PTPRD: variants seen among roughly 807,000 people sequenced by gnomAD.
The protein encoded by PTPRD is protein tyrosine phosphatase receptor type D, also known as receptor-type tyrosine-protein phosphatase delta.
In PTPRD, 34 loss-of-function variants were observed where a neutral mutation model predicts 214.5. That is an observed-to-expected ratio of 0.16 (90% CI 0.12 to 0.21). The LOEUF (loss-of-function observed/expected upper bound fraction) is 0.21, where lower values mean the gene tolerates loss of function less well. Ranked by LOEUF, PTPRD falls within the 10% of genes least tolerant of loss-of-function variation. PTPRD has a pLI of 1.00. For missense variants in PTPRD, 2,545 were observed against 2,398.7 expected (o/e 1.06, Z -1.27); for synonymous variants, 1,128 against 845.7 (o/e 1.33, Z -5.79).
chr9:9,504,033 C>G (rs533749610), intron 8 of PTPRD, among the ~76,000 whole-genome samples: 1 of 151,526 alleles, frequency 6.6e-6, no homozygotes, highest in African/African-American at 2.4e-5. Context: ...CTTCCTTTAC[C>G]TCCCCAAATG....
intron 5 of PTPRD, among the ~76,000 whole-genome samples, chr9:9,887,298 T>G (rs1307706908): frequency 6.6e-6 from 1 of 152,190 alleles, no homozygotes. Flanking sequence ...TATTGGATAT[T>G]GTTATTTCTA....
Position 8,528,190 on chromosome 9 carries a change from T to A in PTPRD, c.541+401A>T, listed in dbSNP as rs1399415143. ...TATGAACATTTTATTTTTTAATGGA[T>A]ACAACCATTGGATCTCCTTGCAAGT... On this transcript the variant is annotated intron_variant, in intron 15 of 45. Transcript: ENST00000381196. The A allele has an allele frequency of 7.4e-6, 3 of 404,964 alleles. No individual in the cohort carries two copies. In the Admixed American group the frequency reaches 1.3e-4, roughly 17 times the overall value. 25.1% of individuals were successfully genotyped at this position (404,964 alleles called of 1,614,324 possible).
At chr9:9,128,354 T>C (rs1361805641) in intron 10 of PTPRD, among the ~76,000 whole-genome samples, 2 of 152,168 alleles carry the variant, frequency 1.3e-5, no homozygotes, top group East Asian at 3.9e-4. Flanking sequence ...TACAAACACA[T>C]ATACATGCAC....
chr9:9,349,349 C>A (rs1014541717), intron 9 of PTPRD, among the ~76,000 whole-genome samples: 1 of 152,058 alleles, frequency 6.6e-6, no homozygotes, highest in Non-Finnish European at 1.5e-5. Context: ...GTCACCACAC[C>A]TCCAACCCCC....
chr9:10,361,979 T>A (rs2097401302), intron 2 of PTPRD, among the ~76,000 whole-genome samples: 1 of 152,184 alleles, frequency 6.6e-6, no homozygotes, highest in Admixed American at 6.5e-5. Flanking sequence ...AGGAAATGTA[T>A]CATGGTTAAG....
At chr9:8,362,011 G>C (rs183408283) in intron 39 of PTPRD, among the ~76,000 whole-genome samples, 3 of 152,330 alleles carry the variant, frequency 2.0e-5, no homozygotes, top group African/African-American at 7.2e-5. Flanking sequence ...GACTTGATGA[G>C]ATTGCCCATG....
chr9:8,867,897 G>C (rs968816060), intron 11 of PTPRD, among the ~76,000 whole-genome samples: 3 of 152,094 alleles, frequency 2.0e-5, no homozygotes, highest in African/African-American at 7.2e-5. Context: ...ATAGAACCCT[G>C]TATAATTGAA....
At chr9:9,712,405 A>AG (rs1219928853) in intron 7 of PTPRD, among the ~76,000 whole-genome samples, 1 of 151,952 alleles carries the variant, frequency 6.6e-6, no homozygotes. Context: ...ATTAAAAAAA[A>AG]TTATTTTACT....
chr9:9,584,104 C>A (rs1721640173), intron 7 of PTPRD, among the ~76,000 whole-genome samples: 1 of 151,950 alleles, frequency 6.6e-6, no homozygotes, highest in Non-Finnish European at 1.5e-5. Context: ...TACAGAATCT[C>A]AGACCCCATC....
chr9:10,256,548 C>T (rs2093297276), intron 3 of PTPRD, among the ~76,000 whole-genome samples: 2 of 152,128 alleles, frequency 1.3e-5, no homozygotes, highest in Non-Finnish European at 2.9e-5. Flanking sequence ...CATTATGTGG[C>T]ACTTAACTGT....
intron 9 of PTPRD, among the ~76,000 whole-genome samples, chr9:9,318,235 A>C (rs1419408977): frequency 2.0e-5 from 3 of 151,794 alleles, no homozygotes; most frequent in Admixed American, 6.6e-5. Flanking sequence ...AAAAAAAAAA[A>C]AAACACCAAA....
intron 3 of PTPRD, among the ~76,000 whole-genome samples, chr9:10,313,396 T>TTACACACACACACACACACACA (rs1565223852): frequency 1.1e-5 from 1 of 91,958 alleles, no homozygotes; most frequent in African/African-American, 6.6e-5. Flanking sequence ...CAGGTACAGA[T>TTACACACACACACACACACACA]TACACACACA....
intron 7 of PTPRD, among the ~76,000 whole-genome samples, chr9:9,660,911 T>A (rs2096610363): frequency 2.0e-5 from 3 of 151,982 alleles, no homozygotes; most frequent in Admixed American, 1.3e-4. Flanking sequence ...CATGACTTTG[T>A]CATTGTGTCA....
chr9:9,185,220 G>A (rs1200133646), intron 9 of PTPRD, among the ~76,000 whole-genome samples: 3 of 152,056 alleles, frequency 2.0e-5, no homozygotes, highest in Non-Finnish European at 2.9e-5. Context: ...CAGAATCCAA[G>A]ACCTTCTGCT....
At chr9:10,029,762 T>G (rs2097017578) in intron 4 of PTPRD, among the ~76,000 whole-genome samples, 1 of 152,122 alleles carries the variant, frequency 6.6e-6, no homozygotes, top group Non-Finnish European at 1.5e-5. Flanking sequence ...GAGTTTTGAG[T>G]TAATGCTGAA....
intron 39 of PTPRD, among the ~76,000 whole-genome samples, chr9:8,365,704 C>A (rs1370603369): frequency 1.3e-5 from 2 of 151,890 alleles, no homozygotes; most frequent in African/African-American, 2.4e-5. Flanking sequence ...CTGGAATGGC[C>A]CCTGACTTGT....
chr9:8,384,718 GT>G (rs2086368646), intron 37 of PTPRD, among the ~76,000 whole-genome samples: 1 of 152,048 alleles, frequency 6.6e-6, no homozygotes, highest in African/African-American at 2.4e-5. Context: ...TAGAGATGGG[GT>G]TTTTCCTTGT....
intron 7 of PTPRD, among the ~76,000 whole-genome samples, chr9:9,681,539 G>C (rs2097071209): frequency 6.6e-6 from 1 of 151,598 alleles, no homozygotes; most frequent in African/African-American, 2.4e-5. Context: ...AACCCAGTAT[G>C]ACCCCACCTA....
chr9:10,365,518 A>G (rs1174729156), intron 2 of PTPRD, among the ~76,000 whole-genome samples: 4 of 152,180 alleles, frequency 2.6e-5, no homozygotes, highest in Admixed American at 2.6e-4. Flanking sequence ...TTATACTTGA[A>G]GTATTTTCCT....
Sources: allele counts gnomAD v4.1 joint callset (sites outside exome capture counted in the v4.1 genomes callset), GRCh38; gene constraint gnomAD v4.1.1; transcripts MANE v1.5; gene names NCBI Gene and HGNC (gene_info 2026-07-23, HGNC 2026-07-21).